Variants in GALNS observed in about 807,000 individuals in gnomAD.
GALNS encodes N-acetylgalactosamine-6-sulfatase.
GALNS carries 65 observed loss-of-function variants against 65.9 expected under a neutral mutation model. The observed-to-expected ratio is 0.99, with a 90% CI of 0.81 to 1.21. The LOEUF (loss-of-function observed/expected upper bound fraction) is 1.21, where lower values mean the gene tolerates loss of function less well. Ranked by LOEUF, GALNS falls within the 50% of genes most tolerant of loss-of-function variation. The pLI is 0.00. For missense variants in GALNS, 776 were observed against 700.7 expected (o/e 1.11, Z -1.21); for synonymous variants, 346 against 288.9 (o/e 1.20, Z -2.00).
chr16:88,816,132 C>T, intron 13 of GALNS: 1 of 985,226 alleles, frequency 1.0e-6, no homozygotes, highest in Non-Finnish European at 1.2e-6. Flanking sequence ...TGGCACTTTT[C>T]CCCCTGCAGA....
At chr16:88,840,372 A>G (rs16965110) in intron 4 of GALNS, 37,667 of 155,604 alleles carry the variant, frequency 0.24, 5,036 homozygotes, top group East Asian at 0.57. Flanking sequence ...GGAACGCTCC[A>G]ACAAGTGGAG....
At chr16:88,816,133 C>A in intron 13 of GALNS, 2 of 985,314 alleles carry the variant, frequency 2.0e-6, no homozygotes, top group Non-Finnish European at 2.4e-6. Context: ...GGCACTTTTC[C>A]CCCTGCAGAG....
intron 1 of GALNS, among the ~76,000 whole-genome samples, chr16:88,847,618 G>T (rs1210725475): frequency 6.6e-6 from 1 of 152,230 alleles, no homozygotes; most frequent in African/African-American, 2.4e-5. Flanking sequence ...TCCAAGAGCC[G>T]GAGAGAGGCT....
At chr16:88,817,508 G>T in intron 13 of GALNS, 6 of 985,406 alleles carry the variant, frequency 6.1e-6, no homozygotes, top group Non-Finnish European at 7.2e-6. Flanking sequence ...TGGGCCCTGG[G>T]GCCGCCGCCA....
In GALNS at chr16:88,834,539, C is replaced by T. The variant is rs55884244; in HGVS notation, c.898+674G>A. ...GAAGAGGCTGTAGGGCTCTCCCCAC[C>T]GCGTGGTCTGGGAAGAGGCTGCAGG... On this transcript the variant is annotated intron_variant, in intron 8 of 13. Transcript: ENST00000268695. Among the ~76,000 whole-genome samples the T allele has an allele frequency of 5.3e-4, 75 of 141,020 alleles. 2 individuals carry two copies. The highest frequency in any genetic ancestry group is 7.7e-4 in the Non-Finnish European group (49 of 63,814). 92.5% of individuals were successfully genotyped at this position (141,020 alleles called of 152,430 possible).
chr16:88,843,092 G>C, intron 1 of GALNS: 1 of 1,494,730 alleles, frequency 6.7e-7, no homozygotes, highest in Non-Finnish European at 8.9e-7. Context: ...GCTGTCTTTC[G>C]CCTCCACTTC....
At chr16:88,826,911 G>T in intron 9 of GALNS, 73 bp from the exon 10 acceptor site, 2 of 1,531,452 alleles carry the variant, frequency 1.3e-6, no homozygotes, top group African/African-American at 2.7e-5. Flanking sequence ...AATCCCTGGG[G>T]GGGCGTGAGC....
chr16:88,818,374 C>A (rs988955826), intron 12 of GALNS, among the ~76,000 whole-genome samples: 5 of 152,226 alleles, frequency 3.3e-5, no homozygotes, highest in African/African-American at 9.6e-5. Context: ...CAAGCCCTGG[C>A]AGAGAGGCTG....
intron 12 of GALNS, among the ~76,000 whole-genome samples, chr16:88,822,374 AG>A (rs1388424242): frequency 6.6e-6 from 1 of 152,144 alleles, no homozygotes; most frequent in Non-Finnish European, 1.5e-5. Context: ...GTGGCCCAGA[AG>A]GGGCAGAAGT....
chr16:88,855,451 G>A (rs1307622060), intron 1 of GALNS: 1 of 702,748 alleles, frequency 1.4e-6, no homozygotes, highest in African/African-American at 1.7e-5. Flanking sequence ...ACTCAGTGCA[G>A]AGAAAGGCCC....
At position 88,842,166 on chromosome 16, in the gene GALNS, A is replaced by ATC; in HGVS notation, c.245-196_245-195insGA. 3 of 677,350 alleles carry ATC rather than the reference A, an allele frequency of 4.4e-6. 1 individual carries two copies. The South Asian group carries it at 4.8e-5, about 11-fold the overall frequency. The allele number at this position is 677,350 out of a possible 1,614,324, so 42.0% of individuals were successfully genotyped here. On this transcript the variant is annotated intron_variant, in intron 2 of 13. Transcript: ENST00000268695. ...GGGGCACGGCACCCATTCCACTGAAAGACGCGTGGCCCTTGGGCCCTGCAG... is the reference window on the plus strand; with the variant it reads ...GGGGCACGGCACCCATTCCACTGAAATCGACGCGTGGCCCTTGGGCCCTGCAG...
In GALNS at chr16:88,822,573, C is replaced by T. The variant is rs781053828; in HGVS notation, c.1364+16G>A. On this transcript the variant is annotated intron_variant, in intron 12 of 13. Transcript: ENST00000268695. The stretch of plus-strand genomic sequence containing the variant: ...TGGCACTGCCTCAGCAGCCAGGAGG[C>T]CCTGCACCGACTCACCTGAGGGGGA... The T allele has an allele frequency of 1.9e-6, 3 of 1,612,176 alleles. No individual in the cohort carries two copies. Among genetic ancestry groups the T allele is most frequent in the Non-Finnish European group, 2.5e-6 (3 of 1,179,596 alleles).
intron 1 of GALNS, among the ~76,000 whole-genome samples, chr16:88,853,589 G>T (rs945962991): frequency 6.6e-6 from 1 of 152,316 alleles, no homozygotes; most frequent in South Asian, 2.1e-4. Context: ...AAGGAGTGGA[G>T]ACACAGAGTG....
chr16:88,843,450 A>G, intron 1 of GALNS: 1 of 349,584 alleles, frequency 2.9e-6, no homozygotes, highest in South Asian at 2.2e-5. Flanking sequence ...GGCAGACGAC[A>G]AAGTGCGGCC....
intron 8 of GALNS, among the ~76,000 whole-genome samples, chr16:88,832,868 C>T (rs573572076): frequency 6.6e-6 from 1 of 152,148 alleles, no homozygotes; most frequent in African/African-American, 2.4e-5. Flanking sequence ...CAAGACTAGC[C>T]TAGACTGGTT....
chr16:88,825,127 G>T lies in GALNS; in HGVS notation c.1140-258C>A, dbSNP rs182100608. Among the ~76,000 whole-genome samples the T allele has an allele frequency of 5.2e-3, 758 of 146,706 alleles. 22 individuals are homozygous for T. Among genetic ancestry groups the T allele is most frequent in the African/African-American group, 0.019 (724 of 39,010 alleles). The stretch of plus-strand genomic sequence containing the variant: ...GGGGCGCCTGGGTGTCTGGGGCTGG[G>T]GTGTCTGGGCGGCCGGGGCTGGGGT... On this transcript the variant is annotated intron_variant, in intron 10 of 13. Coordinates refer to ENST00000268695, the MANE Select transcript of GALNS (RefSeq NM_000512.5).
rs1911987643 is a variant in GALNS at position 88,835,208 on chromosome 16, C to T, written c.898+5G>A. On this transcript the variant is annotated splice_donor_5th_base_variant and intron_variant, in intron 8 of 13. Transcript: ENST00000268695. ...AAACCGTGAGAAGTGACAGCGAGCA[C>T]TCACCTTGTTCGGGGGCGGAAATGA... is the stretch of plus-strand genomic sequence containing the variant. 3 of 1,576,858 alleles carry T rather than the reference C, an allele frequency of 1.9e-6. No individual in the cohort carries two copies. The highest frequency in any genetic ancestry group is 1.3e-5 in the African/African-American group (1 of 74,484).
In GALNS at chr16:88,837,759, C is replaced by G; in HGVS notation, c.429G>C (p.Leu143=). 6.2e-7 allele frequency: 1 copy of G among 1,613,954 alleles called. No individual in the cohort carries two copies. The highest frequency in any genetic ancestry group is 8.5e-7 in the Non-Finnish European group (1 of 1,180,010). ...YVSKIVGKWH[L]GHRPQFHPLK... ...GGGGGTGGAACTGGGGCCTGTGACC[C>G]AGATGCCTGGAAACAGGAACCCAGG... Residue 143 remains leucine (L), a synonymous_variant, in exon 5 of 14, where the codon CTG becomes CTC. Transcript: ENST00000268695.
In GALNS at chr16:88,826,725, G is replaced by T; in HGVS notation, c.1116C>A (p.Leu372=). 1 of 1,612,668 alleles carries T rather than the reference G, an allele frequency of 6.2e-7. No individual in the cohort carries two copies. The highest frequency in any genetic ancestry group is 8.5e-7 in the Non-Finnish European group (1 of 1,179,818). The change falls in exon 10 of 14, where the codon CTC becomes CTA. Residue 372 remains leucine, a synonymous_variant. Coordinates refer to ENST00000268695, the MANE Select transcript of GALNS (RefSeq NM_000512.5). ...ACCTGTCCATCAGCCGGCCCTGCAG[G>T]AGGGTGGGGAGGAGGTTGAGGCCAT... is the stretch of plus-strand genomic sequence containing the variant. ...AIDGLNLLPT[L]LQGRLMDRPI... is the part of the protein sequence containing the mutation.
Sources: gnomAD v4.1 joint callset for allele counts (sites outside exome capture counted in the v4.1 genomes callset) on GRCh38, gnomAD v4.1.1 for gene constraint, MANE v1.5 for transcripts, NCBI Gene and HGNC (gene_info 2026-07-23, HGNC 2026-07-21) for gene names.